Variants in GPC5 observed in about 807,000 individuals in gnomAD.
GPC5 encodes the protein glypican 5.
In GPC5, 47 loss-of-function variants were observed where a neutral mutation model predicts 53.9. That is an observed-to-expected ratio of 0.87 (90% CI 0.69 to 1.11). GPC5 has a LOEUF of 1.11. Among genes scored for constraint, GPC5 ranks in the 50% most tolerant of loss-of-function variants. GPC5 has a pLI of 0.00. For missense variants in GPC5, 748 were observed against 713.1 expected, an observed-to-expected ratio of 1.05 and a Z score of -0.56; for synonymous variants, 286 against 263.3, an observed-to-expected ratio of 1.09 and a Z score of -0.84.
At position 91,658,911 on chromosome 13, in the gene GPC5, T is replaced by C. The variant is rs1291360887; in HGVS notation, c.326-34276T>C. Among the ~76,000 whole-genome samples the C allele has an allele frequency of 2.6e-5, 4 of 152,184 alleles. No homozygotes were observed. In the East Asian group the frequency reaches 7.7e-4, roughly 29 times the overall value. On this transcript the variant is annotated intron_variant, in intron 2 of 7. Transcript: ENST00000377067. Reference sequence around the variant, plus strand: ...ACACTAGTGGCAGAAACAATTTCCTTGGTTTTCTAAAATACTTCGTGCCCC... The same window carrying C: ...ACACTAGTGGCAGAAACAATTTCCTCGGTTTTCTAAAATACTTCGTGCCCC...
In GPC5 at chr13:92,723,999, G is replaced by A. The variant is rs1178097501; in HGVS notation, c.1562-142283G>A. Reference sequence around the variant, plus strand: ...AGAGTTGGAGGTTAAGAAAATATAAGTTTAAAAACTCCAAATATGATCATT... The same window carrying A: ...AGAGTTGGAGGTTAAGAAAATATAAATTTAAAAACTCCAAATATGATCATT... On this transcript the variant is annotated intron_variant, in intron 7 of 7. Transcript: ENST00000377067. Among the ~76,000 whole-genome samples the A allele has an allele frequency of 4.0e-5, 6 of 151,414 alleles. No individual in the cohort carries two copies. The Admixed American group carries it at 4.0e-4, about 10-fold the overall frequency.
intron 6 of GPC5, among the ~76,000 whole-genome samples, chr13:92,031,833 A>G (rs181001701): frequency 0.025 from 2,432 of 97,582 alleles, 107 homozygotes; most frequent in African/African-American, 0.046. Flanking sequence ...TATATAATAT[A>G]TAATATATTA....
chr13:92,216,239 A>G (rs2042409329), intron 7 of GPC5, among the ~76,000 whole-genome samples: 1 of 152,250 alleles, frequency 6.6e-6, no homozygotes, highest in Non-Finnish European at 1.5e-5. Flanking sequence ...AAGATTAAAA[A>G]TAGAGTAATC....
At chr13:91,916,234 A>G (rs1775494211) in intron 6 of GPC5, among the ~76,000 whole-genome samples, 1 of 152,230 alleles carries the variant, frequency 6.6e-6, no homozygotes, top group Admixed American at 6.5e-5. Context: ...TATGGAAAAA[A>G]AAATGACAGT....
In GPC5 at chr13:92,767,128, A is replaced by C. The variant is rs577346490; in HGVS notation, c.1562-99154A>C. On this transcript the variant is annotated intron_variant, in intron 7 of 7. Coordinates refer to ENST00000377067, the MANE Select transcript of GPC5 (RefSeq NM_004466.6). ...ATGGGAGAAAGAAGCAGTGAGGCACATTGTTTTTGTTTGTTTGTTTGTTTT... is the reference window on the plus strand; with the variant it reads ...ATGGGAGAAAGAAGCAGTGAGGCACCTTGTTTTTGTTTGTTTGTTTGTTTT... Among the ~76,000 whole-genome samples the C allele has an allele frequency of 1.2e-4, 18 of 152,236 alleles. No individual in the cohort carries two copies. In the South Asian group the frequency reaches 3.7e-3, roughly 32 times the overall value.
intron 3 of GPC5, among the ~76,000 whole-genome samples, chr13:91,702,465 A>G (rs1371502736): frequency 6.6e-6 from 1 of 152,020 alleles, no homozygotes; most frequent in African/African-American, 2.4e-5. Flanking sequence ...GAGATGCATA[A>G]ATTTATTTCT....
At chr13:91,509,607 AATAT>A (rs1885129885) in intron 2 of GPC5, among the ~76,000 whole-genome samples, 1 of 151,970 alleles carries the variant, frequency 6.6e-6, no homozygotes, top group African/African-American at 2.4e-5. Flanking sequence ...GGACAATATT[AATAT>A]AACACTAAAT....
At chr13:92,619,365 T>C (rs917865170) in intron 7 of GPC5, among the ~76,000 whole-genome samples, 4 of 151,988 alleles carry the variant, frequency 2.6e-5, no homozygotes, top group Non-Finnish European at 5.9e-5. Context: ...TTATTTAAAA[T>C]AGAAGAGCAA....
At chr13:91,899,803 A>G (rs920681139) in intron 5 of GPC5, among the ~76,000 whole-genome samples, 5 of 152,154 alleles carry the variant, frequency 3.3e-5, no homozygotes, top group African/African-American at 1.2e-4. Flanking sequence ...TGCCAGGAGC[A>G]AGGGAGGATT....
At chr13:91,446,607 C>T (rs997614189) in intron 1 of GPC5, among the ~76,000 whole-genome samples, 1 of 152,126 alleles carries the variant, frequency 6.6e-6, no homozygotes, top group African/African-American at 2.4e-5. Context: ...GATGCCTGTT[C>T]TATTTACAAT....
At position 91,399,114 on chromosome 13, in the gene GPC5, G is replaced by A. The variant is rs200442466; in HGVS notation, c.68G>A (p.Arg23His). Residue 23 changes from arginine to histidine, a missense_variant, in exon 1 of 8, where the codon CGC becomes CAC. Physicochemically the swap from Arg to His is conservative, Grantham distance 29 (BLOSUM62 0). Coordinates refer to ENST00000377067, the MANE Select transcript of GPC5 (RefSeq NM_004466.6). Reference sequence around the variant, plus strand: ...CTTCTGGCCCTGGTTGGGTCCGCCCGCAGCGAGGGCGTGCAGACCTGCGAA... The same window carrying A: ...CTTCTGGCCCTGGTTGGGTCCGCCCACAGCGAGGGCGTGCAGACCTGCGAA... ...LLLLALVGSARSEGVQTCEEV... is the reference protein window; with the variant it reads ...LLLLALVGSAHSEGVQTCEEV... 12 of 1,607,924 alleles carry A rather than the reference G, an allele frequency of 7.5e-6. No homozygotes were observed. The highest frequency in any genetic ancestry group is 2.7e-5 in the African/African-American group (2 of 74,792).
chr13:92,159,593 CTT>C (rs71120074), intron 7 of GPC5, among the ~76,000 whole-genome samples: 685 of 57,100 alleles, frequency 0.012, 1 homozygote, highest in African/African-American at 0.037. Context: ...TACCAATGTT[CTT>C]TTTTTTTTTT....
chr13:92,258,218 TATAA>T (rs2042741033), intron 7 of GPC5, among the ~76,000 whole-genome samples: 3 of 152,280 alleles, frequency 2.0e-5, no homozygotes, highest in South Asian at 4.1e-4. Context: ...CAAATTCACT[TATAA>T]ATAGGGCAAT....
At chr13:92,713,043 C>A (rs765898132) in intron 7 of GPC5, among the ~76,000 whole-genome samples, 1 of 151,766 alleles carries the variant, frequency 6.6e-6, no homozygotes, top group Non-Finnish European at 1.5e-5. Context: ...TATGGCTGCC[C>A]AAGCAAACTA....
At chr13:91,780,959 T>G (rs2037788674) in intron 5 of GPC5, among the ~76,000 whole-genome samples, 1 of 152,192 alleles carries the variant, frequency 6.6e-6, no homozygotes, top group Non-Finnish European at 1.5e-5. Flanking sequence ...AAGAATCACA[T>G]TTTTGAAGTT....
intron 2 of GPC5, among the ~76,000 whole-genome samples, chr13:91,581,583 T>G (rs1183303668): frequency 1.3e-5 from 2 of 152,198 alleles, no homozygotes; most frequent in South Asian, 4.1e-4. Context: ...ATATATTCAC[T>G]AATATATTTT....
intron 6 of GPC5, among the ~76,000 whole-genome samples, chr13:91,947,514 T>A (rs575092424): frequency 6.6e-6 from 1 of 152,270 alleles, no homozygotes; most frequent in Non-Finnish European, 1.5e-5. Flanking sequence ...CTTAATTTTG[T>A]TTCACCACCC....
At chr13:91,399,356 C>G in intron 1 of GPC5, 147 bp downstream of exon 1, 1 of 999,508 alleles carries the variant, frequency 1.0e-6, no homozygotes. Context: ...TCCGGGGATG[C>G]TTGGTGCGGG....
intron 5 of GPC5, among the ~76,000 whole-genome samples, chr13:91,847,060 A>G (rs1179103018): frequency 7.9e-5 from 12 of 151,908 alleles, no homozygotes; most frequent in Non-Finnish European, 1.6e-4. Flanking sequence ...TCTACTAAAA[A>G]TACAAAAAAT....
Sources: gnomAD v4.1 joint callset for allele counts (sites outside exome capture counted in the v4.1 genomes callset) on GRCh38, gnomAD v4.1.1 for gene constraint, MANE v1.5 for transcripts, NCBI Gene and HGNC (gene_info 2026-07-23, HGNC 2026-07-21) for gene names.